Variants in ZNF536 observed in about 807,000 individuals in gnomAD.
ZNF536 encodes the protein zinc finger protein 536.
A neutral mutation model predicts 84.5 loss-of-function variants in ZNF536; 13 were observed. That is an observed-to-expected ratio of 0.15 (90% confidence interval 0.10 to 0.24). ZNF536 has a LOEUF of 0.24. Ranked by LOEUF, ZNF536 falls within the 10% of genes least tolerant of loss-of-function variation. ZNF536 has a pLI of 1.00. For missense variants in ZNF536, 1,536 were observed against 1,747.5 expected (o/e 0.88, Z 2.16); for synonymous variants, 811 against 742.5 (o/e 1.09, Z -1.50).
intron 1 of ZNF536, among the ~76,000 whole-genome samples, chr19:30,281,568 C>A (rs551176392): frequency 6.6e-6 from 1 of 152,140 alleles, no homozygotes; most frequent in South Asian, 2.1e-4. Flanking sequence ...GGCCCCAGTG[C>A]ACCACAGGTG....
intron 2 of ZNF536, among the ~76,000 whole-genome samples, chr19:30,284,872 T>TA (rs997605602): frequency 7.7e-5 from 7 of 90,878 alleles, no homozygotes; most frequent in Non-Finnish European, 1.2e-4. Flanking sequence ...TGAATATATA[T>TA]TTTTTTTTAT....
intron 2 of ZNF536, among the ~76,000 whole-genome samples, chr19:30,470,685 C>CT (rs36018979): frequency 0.012 from 1,488 of 125,952 alleles, 25 homozygotes; most frequent in African/African-American, 0.032. Context: ...TGTAGACTGT[C>CT]TTTTTTTTTT....
chr19:30,266,371 C>G (rs931664304), intron 1 of ZNF536, among the ~76,000 whole-genome samples: 1 of 152,126 alleles, frequency 6.6e-6, no homozygotes, highest in Non-Finnish European at 1.5e-5. Context: ...ATCTCCATCC[C>G]CATCACGGTC....
intron 1 of ZNF536, among the ~76,000 whole-genome samples, chr19:30,590,819 C>T (rs977790973): frequency 5.6e-4 from 85 of 152,276 alleles, no homozygotes; most frequent in African/African-American, 1.9e-3. Flanking sequence ...TCTGTGGTTC[C>T]CATTTATAAA....
chr19:30,642,796 T>C (rs1000268474), intron 1 of ZNF536, among the ~76,000 whole-genome samples: 1 of 152,118 alleles, frequency 6.6e-6, no homozygotes, highest in Admixed American at 6.5e-5. Flanking sequence ...AGTCAGTCAG[T>C]GCCTTCTTTG....
chr19:30,449,320 G>A (rs2052491746), intron 2 of ZNF536, among the ~76,000 whole-genome samples: 1 of 152,148 alleles, frequency 6.6e-6, no homozygotes, highest in African/African-American at 2.4e-5. Context: ...AAAGCGGGGT[G>A]GCTGTTTCGA....
chr19:30,453,611 C>A (rs552465159), intron 2 of ZNF536, among the ~76,000 whole-genome samples: 19 of 152,300 alleles, frequency 1.2e-4, no homozygotes, highest in Admixed American at 1.2e-3. Flanking sequence ...GCTCAGCTTG[C>A]AACAAACAGG....
At chr19:30,310,782 C>A (rs1327323945) in intron 2 of ZNF536, among the ~76,000 whole-genome samples, 3 of 152,184 alleles carry the variant, frequency 2.0e-5, no homozygotes, top group African/African-American at 4.8e-5. Context: ...GTTTGCGTGA[C>A]TAAATACAGA....
chr19:30,610,367 G>A (rs2048062331), intron 1 of ZNF536, among the ~76,000 whole-genome samples: 2 of 152,168 alleles, frequency 1.3e-5, no homozygotes, highest in South Asian at 4.1e-4. Flanking sequence ...TTCTTCACAT[G>A]GCAGGCTGGG....
intron 1 of ZNF536, among the ~76,000 whole-genome samples, chr19:30,390,778 C>T (rs1391154258): frequency 2.6e-5 from 4 of 152,158 alleles, no homozygotes; most frequent in South Asian, 2.1e-4. Flanking sequence ...ACTGGGAGGC[C>T]GGAGCTCTTG....
At chr19:30,564,529 G>A (rs774057502) in intron 1 of ZNF536, among the ~76,000 whole-genome samples, 1 of 152,052 alleles carries the variant, frequency 6.6e-6, no homozygotes, top group Non-Finnish European at 1.5e-5. Context: ...CCCACTGCTG[G>A]TGGTCCTGGT....
At chr19:30,383,638 C>T (rs2049112184) in intron 1 of ZNF536, among the ~76,000 whole-genome samples, 1 of 50,110 alleles carries the variant, frequency 2.0e-5, no homozygotes, top group Non-Finnish European at 4.3e-5. Flanking sequence ...TTCTTCCTTT[C>T]TTCCTTCCTT....
intron 1 of ZNF536, among the ~76,000 whole-genome samples, chr19:30,624,315 C>A (rs572299007): frequency 1.3e-5 from 2 of 152,274 alleles, no homozygotes; most frequent in Admixed American, 6.5e-5. Flanking sequence ...ACTGTGAGGA[C>A]CTGTGCCTGT....
At chr19:30,303,393 G>A (rs969072615) in intron 2 of ZNF536, among the ~76,000 whole-genome samples, 3 of 152,216 alleles carry the variant, frequency 2.0e-5, no homozygotes, top group African/African-American at 4.8e-5. Flanking sequence ...CAGGGGCCTT[G>A]GCGCTGCCTC....
At chr19:30,606,742 C>G (rs1454563693) in intron 1 of ZNF536, among the ~76,000 whole-genome samples, 2 of 152,060 alleles carry the variant, frequency 1.3e-5, no homozygotes, top group African/African-American at 2.4e-5. Flanking sequence ...CTCTGCAGAC[C>G]CATCCTGTGG....
intron 1 of ZNF536, among the ~76,000 whole-genome samples, chr19:30,707,860 A>G (rs1892980995): frequency 6.6e-6 from 1 of 151,938 alleles, no homozygotes; most frequent in Admixed American, 6.6e-5. Flanking sequence ...AAATACAAAA[A>G]TTAGCTGGGC....
chr19:30,576,889 C>T (rs545426882), intron 1 of ZNF536, among the ~76,000 whole-genome samples: 72 of 152,294 alleles, frequency 4.7e-4, no homozygotes, highest in East Asian at 3.9e-4. Flanking sequence ...CTCTGCAAGC[C>T]GGCACATCCC....
intron 2 of ZNF536, among the ~76,000 whole-genome samples, chr19:30,528,603 C>A (rs1282623534): frequency 6.6e-6 from 1 of 152,156 alleles, no homozygotes; most frequent in Non-Finnish European, 1.5e-5. Context: ...CAGCTGTCAT[C>A]CATCTGGTGA....
intron 1 of ZNF536, among the ~76,000 whole-genome samples, chr19:30,253,766 C>T (rs930722463): frequency 2.0e-5 from 3 of 151,946 alleles, no homozygotes; most frequent in Non-Finnish European, 2.9e-5. Flanking sequence ...AGGTGAGTCA[C>T]GGCTGCGCTT....
Sources: allele counts gnomAD v4.1 joint callset (sites outside exome capture counted in the v4.1 genomes callset), GRCh38; gene constraint gnomAD v4.1.1; transcripts MANE v1.5; gene names NCBI Gene and HGNC (gene_info 2026-07-23, HGNC 2026-07-21).